The following ADCYAP1R1 variants were observed in gnomAD, a reference collection of about 807,000 sequenced individuals.
The protein encoded by ADCYAP1R1 is pituitary adenylate cyclase-activating polypeptide type I receptor.
In ADCYAP1R1, 44 loss-of-function variants were observed where a neutral mutation model predicts 67.6. That is an observed-to-expected ratio of 0.65 (90% confidence interval 0.51 to 0.84). ADCYAP1R1 has a LOEUF of 0.84. ADCYAP1R1 is among the 40% of genes least tolerant of loss of function. ADCYAP1R1 has a pLI of 0.00. For synonymous variants in ADCYAP1R1, 222 were observed against 219.6 expected (o/e 1.01, Z -0.10); for missense variants, 477 against 587.9 (o/e 0.81, Z 1.95).
chr7:31,074,988 G>A (rs970256448), intron 3 of ADCYAP1R1, among the ~76,000 whole-genome samples: 8 of 152,172 alleles, frequency 5.3e-5, no homozygotes, highest in Non-Finnish European at 1.0e-4. Flanking sequence ...GATTTTCTCC[G>A]TCTAAAAGCT....
At chr7:31,070,872 C>T (rs1274011644) in intron 3 of ADCYAP1R1, among the ~76,000 whole-genome samples, 1 of 152,192 alleles carries the variant, frequency 6.6e-6, no homozygotes, top group Admixed American at 6.5e-5. Context: ...TTTTGCCGGT[C>T]TGTGGTCCAT....
At chr7:31,099,195 AG>A (rs1210700363) in intron 13 of ADCYAP1R1, among the ~76,000 whole-genome samples, 1 of 152,046 alleles carries the variant, frequency 6.6e-6, no homozygotes, top group Non-Finnish European at 1.5e-5. Context: ...CCCCTCCTTG[AG>A]GTGGTTTGTT....
intron 1 of ADCYAP1R1, among the ~76,000 whole-genome samples, chr7:31,059,712 A>C (rs1022729983): frequency 1.3e-5 from 2 of 152,162 alleles, no homozygotes; most frequent in Admixed American, 1.3e-4. Flanking sequence ...TGGGGCAGGC[A>C]GCCTAAGTCT....
chr7:31,076,422 G>A (rs1795216671), intron 3 of ADCYAP1R1, among the ~76,000 whole-genome samples: 1 of 152,124 alleles, frequency 6.6e-6, no homozygotes, highest in Non-Finnish European at 1.5e-5. Context: ...AGGAGAGGCA[G>A]GCACCCGGGA....
intron 3 of ADCYAP1R1, among the ~76,000 whole-genome samples, chr7:31,065,519 T>C (rs1351127188): frequency 2.0e-5 from 3 of 152,164 alleles, no homozygotes; most frequent in African/African-American, 7.2e-5. Flanking sequence ...TCCCTCTAAA[T>C]GCCCATAACG....
intron 13 of ADCYAP1R1, 54 bp downstream of exon 13, chr7:31,092,789 G>T: frequency 7.2e-7 from 1 of 1,384,448 alleles, no homozygotes. Context: ...AGCGGGCCCT[G>T]CATTCAGGTC....
chr7:31,086,638 GC>G lies in ADCYAP1R1; in HGVS notation c.823+103del, dbSNP rs1422993340. 1 of 1,407,106 alleles carries G rather than the reference GC, an allele frequency of 7.1e-7. No individual in the cohort carries two copies. The highest frequency in any genetic ancestry group is 9.8e-7 in the Non-Finnish European group (1 of 1,018,746). 87.2% of individuals were successfully genotyped at this position (1,407,106 alleles called of 1,614,324 possible). On this transcript the variant is annotated intron_variant, in intron 10 of 15. Transcript: ENST00000304166. This position sits in a 1 kb window ranked among gnomAD's most constrained non-coding sequence, Gnocchi z 5.0. ...TTCAGGAAGTGTCAGGTGAGGAGGGGCCACTGCCCTGCCCGAGTCTAATGGC... is the reference window on the plus strand; with the variant it reads ...TTCAGGAAGTGTCAGGTGAGGAGGGGCACTGCCCTGCCCGAGTCTAATGGC...
intron 4 of ADCYAP1R1, 128 bp downstream of exon 4, chr7:31,078,226 G>A: frequency 1.5e-6 from 1 of 659,444 alleles, no homozygotes; most frequent in Non-Finnish European, 2.6e-6. Context: ...GCTCACATGT[G>A]GTGTGGGGGA....
At chr7:31,101,874 C>G (rs1434052315) in intron 13 of ADCYAP1R1, among the ~76,000 whole-genome samples, 1 of 152,168 alleles carries the variant, frequency 6.6e-6, no homozygotes, top group Non-Finnish European at 1.5e-5. Context: ...GGAACCTGCT[C>G]GGATCCTGGT....
At chr7:31,064,774 G>A (rs1794662331) in intron 2 of ADCYAP1R1, 57 bp from the exon 3 acceptor site, 1 of 1,409,172 alleles carries the variant, frequency 7.1e-7, no homozygotes, top group Non-Finnish European at 9.9e-7. Flanking sequence ...TTTGGTAGGA[G>A]AGCTTACAGA....
chr7:31,053,650 T>C (rs1466734043), intron 1 of ADCYAP1R1, among the ~76,000 whole-genome samples: 1 of 152,232 alleles, frequency 6.6e-6, no homozygotes, highest in African/African-American at 2.4e-5. Context: ...CTGCTAATTC[T>C]TCCGACCATT....
At chr7:31,064,961 C>G in intron 3 of ADCYAP1R1, 25 bp downstream of exon 3, 1 of 1,545,244 alleles carries the variant, frequency 6.5e-7, no homozygotes, top group South Asian at 1.2e-5. Context: ...AGGGAGCATG[C>G]CACGTCCCCA....
At chr7:31,087,771 A>G in intron 12 of ADCYAP1R1, 75 bp downstream of exon 12, 1 of 1,244,910 alleles carries the variant, frequency 8.0e-7, no homozygotes, top group Non-Finnish European at 1.2e-6. Flanking sequence ...AAGAGAAATG[A>G]AAGAGTCCCC....
chr7:31,064,740 C>T (rs1424692789), intron 2 of ADCYAP1R1, 91 bp from the exon 3 acceptor site: 29 of 1,022,326 alleles, frequency 2.8e-5, no homozygotes, highest in Non-Finnish European at 4.2e-5. Context: ...CTCCCCACTC[C>T]CCCCAAGACA....
In ADCYAP1R1 at chr7:31,102,552, C is replaced by T. The variant is rs549784611; in HGVS notation, c.1047-685C>T. 5.9e-5 allele frequency among the ~76,000 whole-genome samples: 9 copies of T among 152,326 alleles called. No individual in the cohort carries two copies. The highest frequency in any genetic ancestry group is 4.1e-4 in the South Asian group (2 of 4,828). ...TGCCTCAGGAAGCACTGCAGTCCTC[C>T]GGCCCTTCCTCCCCTGCCTGGCCCA... On this transcript the variant is annotated intron_variant, in intron 13 of 15. Coordinates refer to ENST00000304166, the MANE Select transcript of ADCYAP1R1 (RefSeq NM_001118.5). The surrounding 1 kb of genome is among the most constrained non-coding windows in gnomAD (Gnocchi z 4.3).
Position 31,086,442 on chromosome 7 carries a change from G to A in ADCYAP1R1, c.728G>A (p.Trp243Ter). 1 of 1,614,182 alleles carries A rather than the reference G, an allele frequency of 6.2e-7. No homozygotes were observed. The highest frequency in any genetic ancestry group is 8.5e-7 in the Non-Finnish European group (1 of 1,180,038). Residue 243 changes from tryptophan (W) to a stop codon, truncating the protein, a stop_gained, in exon 10 of 16, where the codon TGG becomes TAG. Coordinates refer to ENST00000304166, the MANE Select transcript of ADCYAP1R1 (RefSeq NM_001118.5). LOFTEE classifies it high-confidence loss of function. The surrounding 1 kb of genome is among the most constrained non-coding windows in gnomAD (Gnocchi z 5.0). Reference protein sequence around the residue: ...FHYCVVSNYFWLFIEGLYLFT... With the variant: ...FHYCVVSNYF Reference sequence around the variant, plus strand: ...TACTGTGTTGTGTCCAACTACTTCTGGCTGTTCATCGAGGGCCTGTACCTC... The same window carrying A: ...TACTGTGTTGTGTCCAACTACTTCTAGCTGTTCATCGAGGGCCTGTACCTC...
At chr7:31,104,085 A>G (rs1403195628) in intron 14 of ADCYAP1R1, among the ~76,000 whole-genome samples, 1 of 152,172 alleles carries the variant, frequency 6.6e-6, no homozygotes, top group Non-Finnish European at 1.5e-5. Context: ...ATCCAAGGCC[A>G]TTTAACCGGG....
At chr7:31,065,329 T>C (rs1365221567) in intron 3 of ADCYAP1R1, among the ~76,000 whole-genome samples, 1 of 152,092 alleles carries the variant, frequency 6.6e-6, no homozygotes, top group Non-Finnish European at 1.5e-5. Context: ...GCAGGAAACG[T>C]GGGGTCCTTT....
chr7:31,071,188 C>A (rs1329112313), intron 3 of ADCYAP1R1, among the ~76,000 whole-genome samples: 2 of 152,216 alleles, frequency 1.3e-5, no homozygotes, highest in African/African-American at 4.8e-5. Flanking sequence ...ATCACCATGA[C>A]AACCCAGGAT....
Sources: allele counts gnomAD v4.1 joint callset (sites outside exome capture counted in the v4.1 genomes callset), GRCh38; gene constraint gnomAD v4.1.1; non-coding constraint Gnocchi (gnomAD v3.1); transcripts MANE v1.5; gene names NCBI Gene and HGNC (gene_info 2026-07-23, HGNC 2026-07-21).